The following XPO5 variants were observed in gnomAD, a reference collection of about 807,000 sequenced individuals.
The protein encoded by XPO5 is exportin 5, also known as exportin-5.
In XPO5, 46 loss-of-function variants were observed where a neutral mutation model predicts 160.6. That is an observed-to-expected ratio of 0.29 (90% CI 0.23 to 0.37). The LOEUF is 0.37. Ranked by LOEUF, XPO5 falls within the 10% of genes least tolerant of loss-of-function variation. XPO5 has a pLI of 1.00. For synonymous variants in XPO5, 537 were observed against 519.3 expected (o/e 1.03, Z -0.46); for missense variants, 1,090 against 1,463.9 (o/e 0.74, Z 4.17).
rs531214106 is a variant in XPO5, at chr6:43,539,077, C to G, written c.2343-5070G>C. The G allele has an allele frequency of 4.1e-4, 582 of 1,433,276 alleles. 3 individuals are homozygous for G. The African/African-American group carries it at 7.2e-3, about 18-fold the overall frequency. The allele number at this position is 1,433,276 out of a possible 1,614,324, so 88.8% of individuals were successfully genotyped here. A position where few individuals can be genotyped will look rare whatever the true frequency, so the allele number is the denominator to read the frequency against. ...CAGCCATCATGAGCAGCTTCTTGGG[C>G]ACAGGTGCGGAGACAATGCCAGTGC... On this transcript the variant is annotated intron_variant, in intron 20 of 31. Coordinates refer to ENST00000265351, the MANE Select transcript of XPO5 (RefSeq NM_020750.3).
chr6:43,574,390 A>T (rs1029204724), intron 1 of XPO5, among the ~76,000 whole-genome samples: 1 of 150,932 alleles, frequency 6.6e-6, no homozygotes, highest in East Asian at 1.9e-4. Context: ...TTGCTTTAAA[A>T]ATATATATTT....
In XPO5 at chr6:43,576,024, G is replaced by A; in HGVS notation, c.-160C>T. 1.7e-6 allele frequency: 1 copy of A among 603,088 alleles called. No homozygotes were observed. Among genetic ancestry groups the A allele is most frequent in the Non-Finnish European group, 2.8e-6 (1 of 361,604 alleles). 37.4% of individuals were successfully genotyped at this position (603,088 alleles called of 1,614,324 possible). ...TAGCAGCAACTCGCGCTGGGAAGAAGCCGGCGCTGCGCACGCGCCCGGCCC... is the reference window on the plus strand; with the variant it reads ...TAGCAGCAACTCGCGCTGGGAAGAAACCGGCGCTGCGCACGCGCCCGGCCC... On this transcript the variant is annotated 5_prime_UTR_variant, in exon 1 of 32. Coordinates refer to ENST00000265351, the MANE Select transcript of XPO5 (RefSeq NM_020750.3).
chr6:43,539,545 GC>G (rs766145214), intron 20 of XPO5: 13 of 1,420,386 alleles, frequency 9.2e-6, no homozygotes, highest in Admixed American at 1.7e-5. Context: ...CTTTGGCCTT[GC>G]CTCCGCGAGC....
At position 43,537,195 on chromosome 6, in the gene XPO5, C is replaced by G. The variant is rs568284339; in HGVS notation, c.2343-3188G>C. Among the ~76,000 whole-genome samples, 9 of 146,494 alleles carry G rather than the reference C, an allele frequency of 6.1e-5. No homozygotes were observed. The East Asian group carries it at 1.8e-3, about 29-fold the overall frequency. ...CTGTGTTGCCCAGGCTGGTCTCAAA[C>G]TCCTGGCCCCAAGAGATCCTCCTGC... On this transcript the variant is annotated intron_variant, in intron 20 of 31. Transcript: ENST00000265351.
In XPO5 at chr6:43,549,568, G is replaced by C; in HGVS notation, c.1781C>G (p.Thr594Ser). The change falls in exon 17 of 32, where the codon ACC becomes AGC. Residue 594 changes from threonine to serine, a missense_variant. Thr to Ser is a moderately conservative substitution (Grantham distance 58, BLOSUM62 1). Coordinates refer to ENST00000265351, the MANE Select transcript of XPO5 (RefSeq NM_020750.3). ...CCTCCTCACATTCCTCACTGCCCGG[G>C]TTCTGGGGGCCTGAAAAGAGACATT... is the stretch of plus-strand genomic sequence containing the variant. ...ETVEESKAPR[T>S]RAVRNVRRHA... The C allele has an allele frequency of 6.2e-7, 1 of 1,613,104 alleles. No homozygotes were observed. The highest frequency in any genetic ancestry group is 8.5e-7 in the Non-Finnish European group (1 of 1,179,606).
intron 7 of XPO5, chr6:43,566,662 C>T (rs112634587): frequency 0.02 from 8,366 of 426,622 alleles, 116 homozygotes; most frequent in South Asian, 0.028. Context: ...ATACAAAAAT[C>T]AGTCGGGCAT....
chr6:43,558,354 T>C, intron 12 of XPO5, 147 bp downstream of exon 12: 1 of 681,606 alleles, frequency 1.5e-6, no homozygotes, highest in Non-Finnish European at 2.4e-6. Flanking sequence ...AGCACTCTTC[T>C]GCAATGGGAA....
At chr6:43,560,565 C>T (rs1402824383) in intron 10 of XPO5, among the ~76,000 whole-genome samples, 2 of 152,150 alleles carry the variant, frequency 1.3e-5, no homozygotes, top group African/African-American at 4.8e-5. Flanking sequence ...ACTGGAATCT[C>T]AGAGTGATAT....
chr6:43,564,579 T>C (rs1189958480), intron 8 of XPO5, among the ~76,000 whole-genome samples: 2 of 152,148 alleles, frequency 1.3e-5, no homozygotes, highest in Non-Finnish European at 2.9e-5. Context: ...TTTAGCTTAC[T>C]GTAACTTTTT....
chr6:43,540,853 A>T (rs913651856), intron 20 of XPO5, among the ~76,000 whole-genome samples: 4 of 152,118 alleles, frequency 2.6e-5, no homozygotes, highest in African/African-American at 9.7e-5. Context: ...TTTTATTAAG[A>T]TTTTAAAAAA....
intron 12 of XPO5, among the ~76,000 whole-genome samples, chr6:43,556,925 C>G (rs937026929): frequency 1.3e-5 from 2 of 151,284 alleles, no homozygotes; most frequent in Admixed American, 6.6e-5. Flanking sequence ...GTCGGGAGTT[C>G]GAGACCAGCC....
chr6:43,539,665 G>C, intron 20 of XPO5: 1 of 1,085,700 alleles, frequency 9.2e-7, no homozygotes, highest in Non-Finnish European at 1.3e-6. Flanking sequence ...GGCCACCAGG[G>C]CCTCCAGGCC....
At chr6:43,525,427 C>T in intron 28 of XPO5, 2 of 556,754 alleles carry the variant, frequency 3.6e-6, no homozygotes, top group Non-Finnish European at 6.3e-6. Flanking sequence ...TGTGTGCCAC[C>T]ATGCCTGGCT....
intron 3 of XPO5, among the ~76,000 whole-genome samples, chr6:43,571,402 C>T (rs1018009080): frequency 7.9e-5 from 12 of 151,776 alleles, no homozygotes; most frequent in African/African-American, 1.2e-4. Flanking sequence ...CACTAGAAGA[C>T]GCAGAAGTAT....
In XPO5 at chr6:43,527,725, T is replaced by G. The variant is rs1311382115; in HGVS notation, c.2829A>C (p.Glu943Asp). The G allele has an allele frequency of 1.9e-6, 3 of 1,613,972 alleles. No homozygotes were observed. The highest frequency in any genetic ancestry group is 2.5e-6 in the Non-Finnish European group (3 of 1,179,874). The change falls in exon 26 of 32, where the codon GAA becomes GAC. Residue 943 changes from glutamate (E) to aspartate (D), a missense_variant. Transcript: ENST00000265351. Reference protein sequence around the residue: ...VINQRSLLCGEDEAADENPES... With the variant: ...VINQRSLLCGDDEAADENPES... ...CTGGGTTTTCATCTGCAGCCTCATC[T>G]TCTCCACTGCAGAAAACCAGGGGGC...
In XPO5 at chr6:43,546,652, G is replaced by A. The variant is rs1171371835; in HGVS notation, c.2261C>T (p.Thr754Ile). The change falls in exon 20 of 32, where the codon ACA (threonine) becomes ATA (isoleucine). Residue 754 changes from threonine (T) to isoleucine (I), a missense_variant. Physicochemically the swap from Thr to Ile is moderately conservative, Grantham distance 89. This residue lies in a region of XPO5 where 810 missense variants were observed against 1,139.0 expected (regional missense o/e 0.71). Coordinates refer to ENST00000265351, the MANE Select transcript of XPO5 (RefSeq NM_020750.3). ...AKAGGFVVGYTSSGNPIFRNP... is the reference protein window; with the variant it reads ...AKAGGFVVGYISSGNPIFRNP... ...ACGGAAGATTGGATTTCCACTGGAT[G>A]TATAACCCACCACAAATCCCCCAGC... 2 of 1,613,876 alleles carry A rather than the reference G, an allele frequency of 1.2e-6. No individual in the cohort carries two copies. The highest frequency in any genetic ancestry group is 8.5e-7 in the Non-Finnish European group (1 of 1,179,848).
At chr6:43,525,310 C>A in intron 28 of XPO5, 96 bp from the exon 29 acceptor site, 1 of 987,448 alleles carries the variant, frequency 1.0e-6, no homozygotes. Context: ...TTTTTTTTTT[C>A]CTCCCCCCCT....
intron 5 of XPO5, 129 bp downstream of exon 5, chr6:43,570,373 T>A (rs1440990778): frequency 1.5e-5 from 12 of 803,512 alleles, no homozygotes; most frequent in Admixed American, 6.6e-5. Context: ...ATTTCCTAGT[T>A]TTTTATTTTT....
intron 20 of XPO5, chr6:43,539,653 A>G: frequency 8.5e-7 from 1 of 1,180,014 alleles, no homozygotes; most frequent in South Asian, 1.3e-5. Flanking sequence ...TCCCCATCCC[A>G]GGGCCACCAG....
Sources: gnomAD v4.1 joint callset for allele counts (sites outside exome capture counted in the v4.1 genomes callset) on GRCh38, gnomAD v4.1.1 for gene constraint, gnomAD v4.1.1 regional missense constraint, MANE v1.5 for transcripts, NCBI Gene and HGNC (gene_info 2026-07-23, HGNC 2026-07-21) for gene names.